IQSEC1: variants seen among roughly 807,000 people sequenced by gnomAD.
The protein encoded by IQSEC1 is IQ motif and Sec7 domain ArfGEF 1.
A neutral mutation model predicts 91.0 loss-of-function variants in IQSEC1; 31 were observed. The observed-to-expected ratio is 0.34, with a 90% CI of 0.26 to 0.46. The LOEUF (loss-of-function observed/expected upper bound fraction) is 0.46, where lower values mean the gene tolerates loss of function less well. Among genes scored for constraint, IQSEC1 ranks in the 20% least tolerant of loss-of-function variants. The probability of loss-of-function intolerance (pLI) is 1.00; values close to 1 mark genes in which losing one functional copy is unlikely to be tolerated. For synonymous variants in IQSEC1, 699 were observed against 662.6 expected, an observed-to-expected ratio of 1.05 and a Z score of -0.84; for missense variants, 1,388 against 1,575.6, an observed-to-expected ratio of 0.88 and a Z score of 2.02.
chr3:13,205,584 ATCCTTCTATCCCTTTCTCCC>A (rs1161871514), intron 1 of IQSEC1, among the ~76,000 whole-genome samples: 13 of 124,382 alleles, frequency 1.0e-4, no homozygotes, highest in African/African-American at 4.1e-4. Context: ...TCCATGCTTC[ATCCTTCTATCCCTTTCTCCC>A]TCCTTCCTGC....
At chr3:13,000,773 C>T (rs1456882298) in intron 1 of IQSEC1, among the ~76,000 whole-genome samples, 1 of 152,148 alleles carries the variant, frequency 6.6e-6, no homozygotes, top group Non-Finnish European at 1.5e-5. Context: ...CCCAGGCTTG[C>T]AATAAACACA....
intron 1 of IQSEC1, among the ~76,000 whole-genome samples, chr3:13,183,369 C>G (rs182933305): frequency 6.7e-6 from 1 of 148,938 alleles, no homozygotes; most frequent in East Asian, 1.9e-4. Context: ...GAGTTTGAGA[C>G]CAGCCTGGCA....
At chr3:13,176,009 G>A (rs974559317) in intron 1 of IQSEC1, among the ~76,000 whole-genome samples, 1 of 152,230 alleles carries the variant, frequency 6.6e-6, no homozygotes, top group Non-Finnish European at 1.5e-5. Flanking sequence ...GGGGGCAGAC[G>A]TGACAATGGG....
At chr3:12,907,993 G>A (rs1356542221) in intron 12 of IQSEC1, among the ~76,000 whole-genome samples, 2 of 152,208 alleles carry the variant, frequency 1.3e-5, no homozygotes, top group African/African-American at 2.4e-5. Context: ...ACAGGGACGC[G>A]GCCGCACAGA....
chr3:13,023,782 C>A (rs140399490), intron 1 of IQSEC1, among the ~76,000 whole-genome samples: 204 of 152,356 alleles, frequency 1.3e-3, no homozygotes, highest in African/African-American at 4.7e-3. Flanking sequence ...GCTGTGGCCT[C>A]CCTGGGGGAC....
rs1281587946 is a variant in IQSEC1 at position 12,900,876 on chromosome 3, G to A, written c.*107C>T. On this transcript the variant is annotated 3_prime_UTR_variant, in exon 14 of 14. Transcript: ENST00000613206. ...TGGGCCGTGAGGGGCAGAGGGGAGAGATGGCAACAGAAGTGCCCCGGGTTT... is the reference window on the plus strand; with the variant it reads ...TGGGCCGTGAGGGGCAGAGGGGAGAAATGGCAACAGAAGTGCCCCGGGTTT... 2.6e-6 allele frequency: 4 copies of A among 1,534,294 alleles called. No homozygotes were observed. Among genetic ancestry groups the A allele is most frequent in the Non-Finnish European group, 3.5e-6 (4 of 1,145,934 alleles).
At chr3:13,011,382 T>C (rs764028370) in intron 1 of IQSEC1, among the ~76,000 whole-genome samples, 1 of 152,246 alleles carries the variant, frequency 6.6e-6, no homozygotes, top group African/African-American at 2.4e-5. Flanking sequence ...ACTGAGCCAT[T>C]GCTAGGTCAT....
At chr3:13,058,265 T>C (rs1472495565) in intron 1 of IQSEC1, among the ~76,000 whole-genome samples, 1 of 152,096 alleles carries the variant, frequency 6.6e-6, no homozygotes, top group Non-Finnish European at 1.5e-5. Flanking sequence ...AGAGGGAGAC[T>C]CTGTCTCAAA....
chr3:12,959,488 G>C (rs188707715), intron 1 of IQSEC1, among the ~76,000 whole-genome samples: 2 of 152,314 alleles, frequency 1.3e-5, no homozygotes, highest in East Asian at 3.9e-4. Flanking sequence ...TCTGATGGAG[G>C]AGTCACGGGC....
rs1695347845 is a variant in IQSEC1, at chr3:13,259,636, C to T, written c.272+23075G>A. 6.6e-6 allele frequency among the ~76,000 whole-genome samples: 1 copy of T among 152,214 alleles called. No individual in the cohort carries two copies. Among genetic ancestry groups the T allele is most frequent in the South Asian group, 2.1e-4 (1 of 4,830 alleles). On this transcript the variant is annotated intron_variant, in intron 1 of 15. Transcript: ENST00000648114. This position sits in a 1 kb window ranked among gnomAD's most constrained non-coding sequence, Gnocchi z 4.6. ...ATTGCAGAAGACCCACTAGGCTGTT[C>T]GTTGCCATTCAAAACCAGCAGCTCC...
intron 1 of IQSEC1, among the ~76,000 whole-genome samples, chr3:13,247,013 T>C (rs987040920): frequency 6.6e-6 from 1 of 152,114 alleles, no homozygotes; most frequent in Admixed American, 6.5e-5. Flanking sequence ...AGGTTGCAAA[T>C]ACCCAAAATG....
intron 1 of IQSEC1, among the ~76,000 whole-genome samples, chr3:12,988,349 A>C (rs1701836975): frequency 6.6e-6 from 1 of 152,198 alleles, no homozygotes. Context: ...CGGGAAGTGC[A>C]GGTTGCTGTG....
chr3:13,279,880 G>A (rs1695756743), intron 1 of IQSEC1, among the ~76,000 whole-genome samples: 1 of 152,112 alleles, frequency 6.6e-6, no homozygotes, highest in Non-Finnish European at 1.5e-5. Flanking sequence ...TAGCCTCTGG[G>A]CAGCCCTTCT....
intron 6 of IQSEC1, among the ~76,000 whole-genome samples, 195 bp downstream of exon 6, chr3:12,920,235 C>T (rs1159645049): frequency 6.6e-6 from 1 of 152,216 alleles, no homozygotes; most frequent in African/African-American, 2.4e-5. Flanking sequence ...GCCTGTGTCC[C>T]ACGGGGGCTC....
At chr3:13,226,431 A>T (rs889712860) in intron 1 of IQSEC1, among the ~76,000 whole-genome samples, 1 of 152,158 alleles carries the variant, frequency 6.6e-6, no homozygotes, top group Non-Finnish European at 1.5e-5. Flanking sequence ...GAATTGTTCT[A>T]AGCACTGAGG....
intron 1 of IQSEC1, among the ~76,000 whole-genome samples, chr3:13,246,661 T>C (rs9824309): frequency 0.41 from 62,835 of 152,090 alleles, 16,112 homozygotes; most frequent in African/African-American, 0.74. Context: ...ACCTGTGCCC[T>C]GCTCTGTGGA....
chr3:13,003,503 G>A (rs1702513437), intron 1 of IQSEC1, among the ~76,000 whole-genome samples: 1 of 152,170 alleles, frequency 6.6e-6, no homozygotes, highest in Admixed American at 6.5e-5. Flanking sequence ...AAATGGGTAT[G>A]TGGTTTATTT....
intron 1 of IQSEC1, among the ~76,000 whole-genome samples, chr3:13,199,130 A>G (rs1261549816): frequency 6.6e-6 from 1 of 152,184 alleles, no homozygotes; most frequent in Admixed American, 6.5e-5. Flanking sequence ...GGGGCAGGCG[A>G]CACAACATGG....
rs184016822 is a variant in IQSEC1, at chr3:13,227,694, G to C, written c.272+55017C>G. On this transcript the variant is annotated intron_variant, in intron 1 of 15. Coordinates refer to the IQSEC1 transcript ENST00000648114. Reference sequence around the variant, plus strand: ...AGCTGGCAGTGCCGGGGCCAGGTGGGGCGATAGAGGGCTGGAGGGGCAGAT... The same window carrying C: ...AGCTGGCAGTGCCGGGGCCAGGTGGCGCGATAGAGGGCTGGAGGGGCAGAT... Among the ~76,000 whole-genome samples, 64 of 152,210 alleles carry C rather than the reference G, an allele frequency of 4.2e-4. No homozygotes were observed. The East Asian group carries it at 0.012, about 28-fold the overall frequency.
Sources: gnomAD v4.1 joint callset for allele counts (sites outside exome capture counted in the v4.1 genomes callset) on GRCh38, gnomAD v4.1.1 for gene constraint, Gnocchi (gnomAD v3.1) non-coding constraint, MANE v1.5 for transcripts, NCBI Gene and HGNC (gene_info 2026-07-23, HGNC 2026-07-21) for gene names.